PRKAR1B: variants seen among roughly 807,000 people sequenced by gnomAD.
The protein encoded by PRKAR1B is cAMP-dependent protein kinase type I-beta regulatory subunit.
PRKAR1B carries 22 observed loss-of-function variants against 46.5 expected under a neutral mutation model. The observed-to-expected ratio is 0.47, with a 90% confidence interval of 0.34 to 0.68. The LOEUF is 0.68. Among genes scored for constraint, PRKAR1B ranks in the 30% least tolerant of loss-of-function variants. The probability of loss-of-function intolerance (pLI) is 0.01; values close to 1 mark genes in which losing one functional copy is unlikely to be tolerated. For missense variants in PRKAR1B, 445 were observed against 535.6 expected (o/e 0.83, Z 1.67); for synonymous variants, 259 against 217.7 (o/e 1.19, Z -1.67).
chr7:725,946 A>T (rs1781249568), intron 1 of PRKAR1B, among the ~76,000 whole-genome samples: 1 of 152,128 alleles, frequency 6.6e-6, no homozygotes. Context: ...TTTCATCTCC[A>T]ACCCGACCAA....
rs1428265516 is a variant in PRKAR1B at position 667,143 on chromosome 7, G to A, written c.440+10086C>T. ...AATGGTGGTGATGAGGATGGTGGTG[G>A]TGATGGTGATGATAATGATGGTGAT... On this transcript the variant is annotated intron_variant, in intron 4 of 10. Coordinates refer to ENST00000537384, the MANE Select transcript of PRKAR1B (RefSeq NM_001164760.2). This position sits in a 1 kb window ranked among gnomAD's most constrained non-coding sequence, Gnocchi z 4.3. Among the ~76,000 whole-genome samples, 1 of 137,814 alleles carries A rather than the reference G, an allele frequency of 7.3e-6. No individual in the cohort carries two copies. The highest frequency in any genetic ancestry group is 2.9e-5 in the African/African-American group (1 of 34,348). 90.4% of individuals were successfully genotyped at this position (137,814 alleles called of 152,430 possible).
intron 8 of PRKAR1B, among the ~76,000 whole-genome samples, chr7:580,293 C>T (rs1268593167): frequency 6.6e-6 from 1 of 151,236 alleles, no homozygotes; most frequent in Non-Finnish European, 1.5e-5. Context: ...GTGGCTCAAG[C>T]CTGTAATCCC....
At chr7:704,402 C>G (rs941109605) in intron 2 of PRKAR1B, among the ~76,000 whole-genome samples, 1 of 152,184 alleles carries the variant, frequency 6.6e-6, no homozygotes, top group African/African-American at 2.4e-5. Context: ...ACAAACACTA[C>G]AGACATTAAA....
intron 9 of PRKAR1B, among the ~76,000 whole-genome samples, chr7:576,197 A>G (rs1034243639): frequency 2.0e-5 from 3 of 148,108 alleles, no homozygotes; most frequent in Non-Finnish European, 3.0e-5. Flanking sequence ...TCCTCTGCAC[A>G]TGGGCAGGCG....
chr7:607,687 G>A (rs543801162), intron 4 of PRKAR1B, among the ~76,000 whole-genome samples: 38 of 152,218 alleles, frequency 2.5e-4, no homozygotes, highest in Non-Finnish European at 5.1e-4. Flanking sequence ...GTGCACAGAC[G>A]CAGTTTGCTG....
chr7:555,256 G>C (rs1220330981), intron 9 of PRKAR1B, among the ~76,000 whole-genome samples: 1 of 152,192 alleles, frequency 6.6e-6, no homozygotes, highest in Admixed American at 6.5e-5. Context: ...GCAAGGAAGC[G>C]GCAGGGATGG....
At chr7:556,252 C>T (rs541473012) in intron 9 of PRKAR1B, among the ~76,000 whole-genome samples, 13 of 152,046 alleles carry the variant, frequency 8.6e-5, no homozygotes, top group Non-Finnish European at 1.5e-4. Context: ...TGCCAGGCAC[C>T]GTTTTAGGCC....
intron 4 of PRKAR1B, 48 bp downstream of exon 4, chr7:677,181 G>A (rs374793784): frequency 1.7e-5 from 26 of 1,574,866 alleles, no homozygotes; most frequent in Admixed American, 5.0e-5. Flanking sequence ...CCTCCCGGAG[G>A]CCGAGGAGGG....
At chr7:656,920 GATGA>G (rs138636630) in intron 4 of PRKAR1B, among the ~76,000 whole-genome samples, 4 of 150,112 alleles carry the variant, frequency 2.7e-5, no homozygotes, top group African/African-American at 4.9e-5. Context: ...CGGACGGATG[GATGA>G]ATGAATGAAT....
chr7:574,505 C>T (rs934566662), intron 9 of PRKAR1B, among the ~76,000 whole-genome samples: 5 of 151,520 alleles, frequency 3.3e-5, no homozygotes, highest in Admixed American at 1.3e-4. Flanking sequence ...AGTACAATGG[C>T]GTGATCTCAG....
intron 1 of PRKAR1B, among the ~76,000 whole-genome samples, chr7:715,678 A>G (rs1387332013): frequency 1.3e-5 from 2 of 151,906 alleles, no homozygotes; most frequent in African/African-American, 4.8e-5. Context: ...ATGTACTTAC[A>G]GTGACCACGC....
At chr7:717,971 ACT>A (rs755761444) in intron 1 of PRKAR1B, among the ~76,000 whole-genome samples, 6 of 150,978 alleles carry the variant, frequency 4.0e-5, no homozygotes, top group African/African-American at 7.3e-5. Context: ...TTGCCAGGGG[ACT>A]CTCTCCCTTG....
At chr7:614,719 C>G (rs1019921723) in intron 4 of PRKAR1B, among the ~76,000 whole-genome samples, 24 of 152,166 alleles carry the variant, frequency 1.6e-4, no homozygotes, top group Admixed American at 6.5e-4. Flanking sequence ...CGAGACCAGC[C>G]TGACCAACAT....
chr7:713,647 TCTCA>T (rs1175300825), intron 1 of PRKAR1B, among the ~76,000 whole-genome samples: 8 of 150,384 alleles, frequency 5.3e-5, no homozygotes, highest in African/African-American at 2.0e-4. Flanking sequence ...ACTCACCGTC[TCTCA>T]CTCAGCCCTC....
chr7:573,626 G>A (rs766794125), intron 9 of PRKAR1B, among the ~76,000 whole-genome samples: 6 of 152,210 alleles, frequency 3.9e-5, no homozygotes, highest in Admixed American at 1.3e-4. Context: ...AAAATCAGCC[G>A]TAACGGCCTT....
chr7:613,617 G>A (rs925887554), intron 4 of PRKAR1B, among the ~76,000 whole-genome samples: 1 of 152,150 alleles, frequency 6.6e-6, no homozygotes, highest in African/African-American at 2.4e-5. Flanking sequence ...TCAGCCCATC[G>A]TTCCGCACTG....
intron 4 of PRKAR1B, among the ~76,000 whole-genome samples, chr7:627,742 C>T (rs1240137565): frequency 1.3e-5 from 2 of 151,206 alleles, no homozygotes; most frequent in African/African-American, 2.4e-5. Flanking sequence ...CCGCCCTCCC[C>T]GGGCACTGGG....
rs1342956170 is a variant in PRKAR1B, at chr7:711,255, G to C, written c.177+74C>G. ...GCCTTCGAGGACCACGGGACAGAGG[G>C]AAGGCTTCCCCGGCTGCCGCCTCTG... On this transcript the variant is annotated intron_variant, in intron 2 of 10. Coordinates refer to ENST00000537384, the MANE Select transcript of PRKAR1B (RefSeq NM_001164760.2). The C allele has an allele frequency of 1.9e-6, 3 of 1,566,828 alleles. No homozygotes were observed. In the Admixed American group the frequency reaches 5.1e-5, roughly 27 times the overall value.
intron 2 of PRKAR1B, among the ~76,000 whole-genome samples, chr7:693,720 G>A (rs1229203506): frequency 2.6e-5 from 4 of 152,122 alleles, no homozygotes; most frequent in African/African-American, 4.8e-5. Flanking sequence ...ATGTAGAGGC[G>A]TGTGTTTGAA....
Sources: gnomAD v4.1 joint callset for allele counts (sites outside exome capture counted in the v4.1 genomes callset) on GRCh38, gnomAD v4.1.1 for gene constraint, Gnocchi (gnomAD v3.1) non-coding constraint, MANE v1.5 for transcripts, NCBI Gene and HGNC (gene_info 2026-07-23, HGNC 2026-07-21) for gene names.